Variants in PXT1 observed in about 807,000 individuals in gnomAD.
PXT1 encodes peroxisomal testis enriched protein 1.
Under a neutral mutation model 11.0 loss-of-function variants are expected in PXT1, and 11 were observed. The ratio of observed to expected loss-of-function variants is 1.00; its 90% confidence interval spans 0.63 to 1.66. PXT1 has a LOEUF of 1.66. Among genes scored for constraint, PXT1 ranks in the 40% most tolerant of loss-of-function variants. PXT1 has a pLI of 0.00. For missense variants in PXT1, 141 were observed against 155.5 expected (o/e 0.91, Z 0.49); for synonymous variants, 43 against 51.4 (o/e 0.84, Z 0.70).
At chr6:36,399,305 CT>C (rs933935156) in intron 4 of PXT1, among the ~76,000 whole-genome samples, 1 of 152,096 alleles carries the variant, frequency 6.6e-6, no homozygotes, top group Non-Finnish European at 1.5e-5. Flanking sequence ...GCCACCATGC[CT>C]GACTAATTTT....
At chr6:36,435,499 C>T (rs980509948) in intron 2 of PXT1, among the ~76,000 whole-genome samples, 3 of 152,056 alleles carry the variant, frequency 2.0e-5, no homozygotes, top group Non-Finnish European at 4.4e-5. Flanking sequence ...GAGTTCCAGG[C>T]CGCAGTGAGC....
At chr6:36,395,092 T>C (rs1453365270) in intron 4 of PXT1, among the ~76,000 whole-genome samples, 1 of 152,182 alleles carries the variant, frequency 6.6e-6, no homozygotes, top group Non-Finnish European at 1.5e-5. Flanking sequence ...CCCAACGTGC[T>C]GGGATTACAG....
chr6:36,436,748 A>G (rs7769765), intron 2 of PXT1, among the ~76,000 whole-genome samples: 36,998 of 152,128 alleles, frequency 0.24, 4,700 homozygotes, highest in East Asian at 0.38. Context: ...GTGAATCATT[A>G]TCATAAGGAA....
At chr6:36,435,393 T>A (rs1160968073) in intron 2 of PXT1, among the ~76,000 whole-genome samples, 1 of 151,748 alleles carries the variant, frequency 6.6e-6, no homozygotes, top group Admixed American at 6.6e-5. Flanking sequence ...CCCCCATCTC[T>A]ACAAAAATTT....
intron 3 of PXT1, among the ~76,000 whole-genome samples, chr6:36,400,993 C>T (rs1335698099): frequency 1.3e-5 from 2 of 151,668 alleles, no homozygotes; most frequent in African/African-American, 4.8e-5. Flanking sequence ...AGTTGAAATT[C>T]AGTTATTATA....
At chr6:36,430,744 A>G (rs2127417765) in intron 2 of PXT1, among the ~76,000 whole-genome samples, 1 of 152,332 alleles carries the variant, frequency 6.6e-6, no homozygotes, top group East Asian at 1.9e-4. Flanking sequence ...AAACTTATAT[A>G]CTACGTTAAT....
chr6:36,431,556 C>T (rs1774693095), intron 2 of PXT1, among the ~76,000 whole-genome samples: 1 of 152,124 alleles, frequency 6.6e-6, no homozygotes, highest in East Asian at 1.9e-4. Flanking sequence ...CACTTGAGAT[C>T]AGGAGTTCAG....
At chr6:36,394,335 G>T (rs1774110828) in intron 4 of PXT1, among the ~76,000 whole-genome samples, 1 of 152,178 alleles carries the variant, frequency 6.6e-6, no homozygotes, top group African/African-American at 2.4e-5. Context: ...ACATGTAGAA[G>T]TGTCTCAAAC....
intron 3 of PXT1, among the ~76,000 whole-genome samples, chr6:36,409,605 C>T (rs1489510627): frequency 1.3e-5 from 2 of 152,096 alleles, no homozygotes; most frequent in Non-Finnish European, 2.9e-5. Context: ...GTGGGAGGAT[C>T]ACTTGAGGCC....
chr6:36,391,903 AG>A (rs1774073724), intron 4 of PXT1, 29 bp from the exon 5 acceptor site: 10 of 1,326,210 alleles, frequency 7.5e-6, no homozygotes, highest in Non-Finnish European at 9.1e-6. Context: ...ACACAGAGAA[AG>A]GTTTTTTTTT....
chr6:36,413,380 G>A (rs1468400329), intron 3 of PXT1, among the ~76,000 whole-genome samples: 1 of 151,576 alleles, frequency 6.6e-6, no homozygotes, highest in Non-Finnish European at 1.5e-5. Context: ...TGTCTCCACT[G>A]CACTCCAGCC....
intron 3 of PXT1, among the ~76,000 whole-genome samples, chr6:36,408,847 C>T (rs1276902565): frequency 6.6e-6 from 1 of 151,822 alleles, no homozygotes; most frequent in African/African-American, 2.4e-5. Context: ...TGCCACTGCA[C>T]CCCAGCCTGG....
chr6:36,402,627 A>G (rs1248090074), intron 3 of PXT1, among the ~76,000 whole-genome samples: 1 of 152,242 alleles, frequency 6.6e-6, no homozygotes, highest in Non-Finnish European at 1.5e-5. Context: ...ACTGGGGAAG[A>G]GCCAGCTGAG....
At chr6:36,416,002 A>C (rs891062872) in intron 3 of PXT1, among the ~76,000 whole-genome samples, 3 of 152,062 alleles carry the variant, frequency 2.0e-5, no homozygotes, top group Non-Finnish European at 2.9e-5. Context: ...CTAAGAAGGA[A>C]AGAGATCCTG....
rs951397062 is a variant in PXT1, at chr6:36,442,786, C to T, written c.-381G>A. ...AACTACTAACTTTTCCGTCTGCAACCTTTAATAATTGAGAGGGTATGCGCA... is the reference window on the plus strand; with the variant it reads ...AACTACTAACTTTTCCGTCTGCAACTTTTAATAATTGAGAGGGTATGCGCA... On this transcript the variant is annotated 5_prime_UTR_variant, in exon 1 of 5. Transcript: ENST00000454782. 5.1e-4 allele frequency: 77 copies of T among 152,206 alleles called. 5 individuals carry two copies. The allele number at this position is 152,206 out of a possible 1,614,324, so 9.4% of individuals were successfully genotyped here.
intron 1 of PXT1, among the ~76,000 whole-genome samples, chr6:36,440,196 AG>A (rs1301052460): frequency 1.1e-4 from 16 of 152,234 alleles, no homozygotes; most frequent in African/African-American, 3.9e-4. Context: ...TTACTACATA[AG>A]CTTAGTCGGT....
intron 3 of PXT1, among the ~76,000 whole-genome samples, chr6:36,421,544 T>C (rs1362755246): frequency 6.6e-6 from 1 of 152,226 alleles, no homozygotes; most frequent in African/African-American, 2.4e-5. Context: ...CACTTTTCTG[T>C]AGATTTAAAA....
At chr6:36,425,451 T>A (rs552051077) in intron 3 of PXT1, among the ~76,000 whole-genome samples, 1 of 152,220 alleles carries the variant, frequency 6.6e-6, no homozygotes, top group South Asian at 2.1e-4. Flanking sequence ...ACCTAAGAAC[T>A]GGGATGAATA....
intron 3 of PXT1, among the ~76,000 whole-genome samples, chr6:36,416,470 T>C (rs1774448536): frequency 6.6e-6 from 1 of 152,216 alleles, no homozygotes; most frequent in African/African-American, 2.4e-5. Flanking sequence ...GTGCATTGTC[T>C]TTCCAGCTGG....
Sources: gnomAD v4.1 joint callset for allele counts (sites outside exome capture counted in the v4.1 genomes callset) on GRCh38, gnomAD v4.1.1 for gene constraint, MANE v1.5 for transcripts, NCBI Gene and HGNC (gene_info 2026-07-23, HGNC 2026-07-21) for gene names.